VWDE: variants seen among roughly 807,000 people sequenced by gnomAD.
VWDE encodes von Willebrand factor D and EGF domain-containing protein.
Under a neutral mutation model 178.4 loss-of-function variants are expected in VWDE, and 207 were observed. The ratio of observed to expected loss-of-function variants is 1.16; its 90% CI spans 1.04 to 1.30. VWDE has a LOEUF of 1.30. Among genes scored for constraint, VWDE ranks in the 50% most tolerant of loss-of-function variants. The probability of loss-of-function intolerance (pLI) is 0.00; values close to 1 mark genes in which losing one functional copy is unlikely to be tolerated. For synonymous variants in VWDE, 738 were observed against 651.4 expected, an observed-to-expected ratio of 1.13 and a Z score of -2.02; for missense variants, 2,287 against 1,901.3, an observed-to-expected ratio of 1.20 and a Z score of -3.77.
chr7:12,384,266 G>C (rs78806779), intron 3 of VWDE, among the ~76,000 whole-genome samples: 1 of 152,088 alleles, frequency 6.6e-6, no homozygotes, highest in East Asian at 1.9e-4. Context: ...TACCTACTAA[G>C]TGATTCCAAC....
At chr7:12,373,671 T>C (rs1166794905) in intron 9 of VWDE, among the ~76,000 whole-genome samples, 3 of 152,162 alleles carry the variant, frequency 2.0e-5, no homozygotes. Flanking sequence ...ACTTATTAAA[T>C]GTGTTTATAT....
At chr7:12,380,012 C>A (rs943430214) in intron 5 of VWDE, among the ~76,000 whole-genome samples, 1 of 151,398 alleles carries the variant, frequency 6.6e-6, no homozygotes, top group African/African-American at 2.4e-5. Context: ...GCAGGAGAAT[C>A]GCTTGAACCT....
intron 16 of VWDE, among the ~76,000 whole-genome samples, chr7:12,358,736 GAATC>G (rs1249725767): frequency 6.6e-6 from 1 of 152,116 alleles, no homozygotes; most frequent in African/African-American, 2.4e-5. Context: ...AGACTATAAT[GAATC>G]AATCAGTCAA....
In VWDE at chr7:12,392,503, A is replaced by G. The variant is rs138354443; in HGVS notation, c.243+1091T>C. On this transcript the variant is annotated intron_variant, in intron 2 of 28. Coordinates refer to ENST00000275358, the MANE Select transcript of VWDE (RefSeq NM_001135924.3). ...TATTTCATGACAGTATCATTAGATGAATGGGGACTATGAACGAATTAGGGG... is the reference window on the plus strand; with the variant it reads ...TATTTCATGACAGTATCATTAGATGGATGGGGACTATGAACGAATTAGGGG... Among the ~76,000 whole-genome samples the G allele has an allele frequency of 5.3e-5, 8 of 152,260 alleles. No individual in the cohort carries two copies. In the East Asian group the frequency reaches 1.4e-3, roughly 26 times the overall value.
At chr7:12,396,595 C>T (rs73054737) in intron 1 of VWDE, among the ~76,000 whole-genome samples, 26,824 of 152,040 alleles carry the variant, frequency 0.18, 2,922 homozygotes, top group Admixed American at 0.32. Flanking sequence ...GAAAACCATT[C>T]CATACTCATG....
chr7:12,332,040 T>C (rs1223471897), intron 28 of VWDE, among the ~76,000 whole-genome samples: 1 of 152,012 alleles, frequency 6.6e-6, no homozygotes, highest in Admixed American at 6.6e-5. Context: ...GAACCCTCCT[T>C]TGGGGAAGGT....
chr7:12,331,261 T>C, intron 28 of VWDE, 64 bp from the exon 29 acceptor site: 2 of 1,402,204 alleles, frequency 1.4e-6, no homozygotes, highest in East Asian at 2.5e-5. Context: ...CCCTTACTCA[T>C]TATTTGTTGC....
rs1388100356 is a variant in VWDE at position 12,389,347 on chromosome 7, A to ACAAT, written c.251_254dup (p.Cys85Ter). 1 of 1,542,870 alleles carries ACAAT rather than the reference A, an allele frequency of 6.5e-7. No individual in the cohort carries two copies. The highest frequency in any genetic ancestry group is 8.8e-7 in the Non-Finnish European group (1 of 1,139,596). The stretch of plus-strand genomic sequence containing the variant: ...ACAGCCAGATGGGGGCCTGAGTTCC[A>ACAAT]CAATGGTTCATCTTTTGCAGGAGAG... On this transcript the variant is annotated stop_gained and frameshift_variant, in exon 3 of 29. Transcript: ENST00000275358. LOFTEE classifies it high-confidence loss of function.
rs180860706 is a variant in VWDE at position 12,388,525 on chromosome 7, G to A, written c.475+602C>T. Among the ~76,000 whole-genome samples, 31 of 152,116 alleles carry A rather than the reference G, an allele frequency of 2.0e-4. No homozygotes were observed. In the South Asian group the frequency reaches 3.5e-3, roughly 17 times the overall value. ...ATTTGTAATTCTTTAAAGACGCTTC[G>A]TTTCCTTGCCTCTATTTAATTATCT... is the stretch of plus-strand genomic sequence containing the variant. On this transcript the variant is annotated intron_variant, in intron 3 of 28. Coordinates refer to ENST00000275358, the MANE Select transcript of VWDE (RefSeq NM_001135924.3).
chr7:12,360,621 A>G (rs1469678073), intron 15 of VWDE, among the ~76,000 whole-genome samples: 1 of 152,276 alleles, frequency 6.6e-6, no homozygotes, highest in East Asian at 1.9e-4. Flanking sequence ...CCTTCTGATA[A>G]ATACGGAAGG....
chr7:12,368,341 T>A (rs1050284477), intron 12 of VWDE, among the ~76,000 whole-genome samples: 1 of 151,758 alleles, frequency 6.6e-6, no homozygotes, highest in African/African-American at 2.4e-5. Context: ...GACCATGGAA[T>A]TGTGTAAGAA....
intron 17 of VWDE, 38 bp from the exon 18 acceptor site, chr7:12,356,368 A>G (rs1394917334): frequency 2.6e-6 from 4 of 1,511,602 alleles, no homozygotes; most frequent in Admixed American, 2.0e-5. Context: ...TTATTTTTCA[A>G]TAAAATTATC....
chr7:12,332,382 T>G (rs2128542913), intron 28 of VWDE, among the ~76,000 whole-genome samples: 1 of 152,158 alleles, frequency 6.6e-6, no homozygotes, highest in African/African-American at 2.4e-5. Context: ...GAAGCAGCAT[T>G]AATGGGGATA....
intron 1 of VWDE, among the ~76,000 whole-genome samples, 200 bp downstream of exon 1, chr7:12,403,459 G>C (rs7796586): frequency 0.16 from 24,959 of 152,270 alleles, 2,593 homozygotes; most frequent in African/African-American, 0.29. Context: ...CAAAAGAAAA[G>C]TGTAGAGTTT....
In VWDE at chr7:12,340,368, AT is replaced by A. The variant is rs752142587; in HGVS notation, c.4319del (p.Asn1440IlefsTer30). On this transcript the variant is annotated frameshift_variant, in exon 24 of 29. Transcript: ENST00000275358. LOFTEE classifies it high-confidence loss of function. ...AGAATCCATTTGGACAGAGGCAAGT[AT>A]TTGGCTTATTACACGAACCACCATT... ...CLNGGSCNKPNTCLCPNGFFG... is the reference protein window; with the variant it reads ...CLNGGSCNKPXTCLCPNGFFG... 1 of 1,551,544 alleles carries A rather than the reference AT, an allele frequency of 6.4e-7. No individual in the cohort carries two copies. The highest frequency in any genetic ancestry group is 1.2e-5 in the South Asian group (1 of 84,052).
chr7:12,388,991 AGCTT>A lies in VWDE; in HGVS notation c.475+132_475+135del, dbSNP rs1285229715. 1.4e-5 allele frequency: 11 copies of A among 780,354 alleles called. No individual in the cohort carries two copies. The Admixed American group carries it at 2.2e-4, about 16-fold the overall frequency. 48.3% of individuals were successfully genotyped at this position (780,354 alleles called of 1,614,324 possible). A position where few individuals can be genotyped will look rare whatever the true frequency, so the allele number is the denominator to read the frequency against. On this transcript the variant is annotated intron_variant, in intron 3 of 28. Transcript: ENST00000275358. ...ATTTGACCAATGTAAACAGAAATTT[AGCTT>A]CAATCTAGCAATAATGGTAGACTGA...
At chr7:12,389,970 C>T (rs1319259573) in intron 2 of VWDE, among the ~76,000 whole-genome samples, 3 of 152,072 alleles carry the variant, frequency 2.0e-5, no homozygotes, top group Admixed American at 1.3e-4. Flanking sequence ...CGAGACTATC[C>T]TGGCTAACAT....
chr7:12,368,156 C>G, intron 12 of VWDE, among the ~76,000 whole-genome samples: 1 of 149,788 alleles, frequency 6.7e-6, no homozygotes, highest in East Asian at 2.0e-4. Context: ...TTATCTGTTG[C>G]TATTCTAGGT....
Position 12,330,912 on chromosome 7 carries a change from T to A in VWDE, c.*271A>T, listed in dbSNP as rs1450278083. 2.8e-6 allele frequency: 1 copy of A among 359,006 alleles called. No homozygotes were observed. Among genetic ancestry groups the A allele is most frequent in the Non-Finnish European group, 5.1e-6 (1 of 197,682 alleles). 22.2% of individuals were successfully genotyped at this position (359,006 alleles called of 1,614,324 possible). Reference sequence around the variant, plus strand: ...AGGGCTGAGAAAATATTCAGTTTATTAAATATTGTGAATGGGTGGAATATC... The same window carrying A: ...AGGGCTGAGAAAATATTCAGTTTATAAAATATTGTGAATGGGTGGAATATC... On this transcript the variant is annotated 3_prime_UTR_variant, in exon 29 of 29. Coordinates refer to ENST00000275358, the MANE Select transcript of VWDE (RefSeq NM_001135924.3).
Sources: allele counts gnomAD v4.1 joint callset (sites outside exome capture counted in the v4.1 genomes callset), GRCh38; gene constraint gnomAD v4.1.1; transcripts MANE v1.5; gene names NCBI Gene and HGNC (gene_info 2026-07-23, HGNC 2026-07-21).